DIDO1: variants seen among roughly 807,000 people sequenced by gnomAD.
DIDO1 encodes death-inducer obliterator 1.
A neutral mutation model predicts 99.4 loss-of-function variants in DIDO1; 16 were observed. That is an observed-to-expected ratio of 0.16 (90% confidence interval 0.11 to 0.24). DIDO1 has a LOEUF of 0.24. DIDO1 is among the 10% of genes least tolerant of loss of function. The probability of loss-of-function intolerance (pLI) is 1.00; values close to 1 mark genes in which losing one functional copy is unlikely to be tolerated. For synonymous variants in DIDO1, 1,366 were observed against 1,239.1 expected, an observed-to-expected ratio of 1.10 and a Z score of -2.15; for missense variants, 2,996 against 3,014.0, an observed-to-expected ratio of 0.99 and a Z score of 0.14.
intron 4 of DIDO1, 85 bp downstream of exon 4, chr20:62,909,614 G>A (rs936187664): frequency 1.4e-5 from 21 of 1,537,418 alleles, no homozygotes; most frequent in East Asian, 2.3e-5. Context: ...TGCAGCACCC[G>A]TCCTGGGAGG....
At position 62,896,816 on chromosome 20, in the gene DIDO1, A is replaced by C. The variant is rs770423473; in HGVS notation, c.1769T>G (p.Phe590Cys). 6.2e-7 allele frequency: 1 copy of C among 1,614,190 alleles called. No homozygotes were observed. Among genetic ancestry groups the C allele is most frequent in the East Asian group, 2.2e-5 (1 of 44,884 alleles). Residue 590 changes from phenylalanine to cysteine, a missense_variant, in exon 7 of 16, where the codon TTC (phenylalanine) becomes TGC (cysteine). Phe to Cys is a radical substitution (Grantham distance 205). Around this residue, in one of 5 missense-constraint regions of DIDO1, gnomAD observed 898 missense variants for 972.7 expected, o/e 0.92. Transcript: ENST00000395343. This position sits in a 1 kb window ranked among gnomAD's most constrained non-coding sequence, Gnocchi z 4.4. ...TGGCCTCTTGGGGATGGTGCCCTTG[A>C]AACCTGAGGGTGGCTTTTTAATGGC... ...TPAIKKPPSG[F>C]KGTIPKRPWL...
At chr20:62,897,650 T>C (rs934054261) in intron 6 of DIDO1, among the ~76,000 whole-genome samples, 4 of 152,188 alleles carry the variant, frequency 2.6e-5, no homozygotes, top group Non-Finnish European at 4.4e-5. Flanking sequence ...TGTAATTCCA[T>C]TAAGTGAAGT....
rs574972820 is a variant in DIDO1, at chr20:62,898,309, G to A, written c.1589-1313C>T. Among the ~76,000 whole-genome samples the A allele has an allele frequency of 5.9e-5, 9 of 152,314 alleles. No individual in the cohort carries two copies. In the East Asian group the frequency reaches 1.2e-3, roughly 20 times the overall value. ...TGCCAGGCTTGGCCACGTTGGCAGC[G>A]GGTGCCAGCCCTCCCCAGCAGCCAG... On this transcript the variant is annotated intron_variant, in intron 6 of 15. Coordinates refer to ENST00000395343, the MANE Select transcript of DIDO1 (RefSeq NM_001193369.2).
At chr20:62,936,607 T>A (rs1318640268) in intron 1 of DIDO1, among the ~76,000 whole-genome samples, 2 of 152,034 alleles carry the variant, frequency 1.3e-5, no homozygotes, top group African/African-American at 4.8e-5. Context: ...GGCTCACGCC[T>A]GTAATCCCAG....
intron 6 of DIDO1, chr20:62,905,657 G>A (rs2147471353): frequency 1.9e-6 from 3 of 1,582,790 alleles, no homozygotes; most frequent in Middle Eastern, 3.3e-4. Context: ...GTTCACCAGT[G>A]AGGTTTACAG....
At chr20:62,924,376 A>C (rs1024721308) in intron 1 of DIDO1, among the ~76,000 whole-genome samples, 5 of 152,248 alleles carry the variant, frequency 3.3e-5, no homozygotes, top group African/African-American at 1.2e-4. Context: ...TTCAAGAGCC[A>C]AATAAGCCAC....
At chr20:62,915,305 A>G (rs2065018815) in intron 1 of DIDO1, among the ~76,000 whole-genome samples, 1 of 152,198 alleles carries the variant, frequency 6.6e-6, no homozygotes, top group African/African-American at 2.4e-5. Flanking sequence ...CCCCGTCTCT[A>G]CAAAAAATAA....
At chr20:62,903,258 T>G (rs2064723839) in intron 6 of DIDO1, among the ~76,000 whole-genome samples, 1 of 152,128 alleles carries the variant, frequency 6.6e-6, no homozygotes, top group Non-Finnish European at 1.5e-5. Flanking sequence ...AATGGCAGAG[T>G]GTCTGTGCAC....
intron 6 of DIDO1, among the ~76,000 whole-genome samples, chr20:62,900,329 G>A (rs2064638821): frequency 6.6e-6 from 1 of 152,274 alleles, no homozygotes; most frequent in East Asian, 1.9e-4. Flanking sequence ...AATGAAGCAG[G>A]TCGTCGTCGT....
At chr20:62,922,871 G>C (rs1754423363) in intron 1 of DIDO1, among the ~76,000 whole-genome samples, 2 of 152,210 alleles carry the variant, frequency 1.3e-5, no homozygotes, top group South Asian at 4.1e-4. Context: ...GCTTCACGAT[G>C]ACCCAGGAGA....
In DIDO1 at chr20:62,881,650, C is replaced by T; in HGVS notation, c.4306G>A (p.Glu1436Lys). 6.2e-7 allele frequency: 1 copy of T among 1,612,786 alleles called. No individual in the cohort carries two copies. The highest frequency in any genetic ancestry group is 8.5e-7 in the Non-Finnish European group (1 of 1,180,028). ...YDPEDETILE[E>K]AKVTVDDLPN... is the part of the protein sequence containing the mutation. ...AGGTCATCAACAGTCACTTTCGCTT[C>T]TTCTAAGATGGTCTCATCCTCGGGG... The change falls in exon 16 of 16, where the codon GAA becomes AAA. Residue 1436 changes from glutamate (E) to lysine (K), a missense_variant. Transcript: ENST00000395343. The surrounding 1 kb of genome is among the most constrained non-coding windows in gnomAD (Gnocchi z 8.3).
Position 62,911,714 on chromosome 20 carries a change from G to T in DIDO1, c.-2-100C>A. On this transcript the variant is annotated intron_variant, in intron 2 of 15. Transcript: ENST00000395343. The surrounding 1 kb of genome is among the most constrained non-coding windows in gnomAD (Gnocchi z 7.0). ...AGCAGGGGCCACCTCCCTACAAACAGTGGAGCTCTACATAAAGCAAGTCCT... is the reference window on the plus strand; with the variant it reads ...AGCAGGGGCCACCTCCCTACAAACATTGGAGCTCTACATAAAGCAAGTCCT... The T allele has an allele frequency of 9.4e-7, 1 of 1,058,902 alleles. No homozygotes were observed. Among genetic ancestry groups the T allele is most frequent in the Non-Finnish European group, 1.3e-6 (1 of 749,524 alleles). The allele number at this position is 1,058,902 out of a possible 1,614,324, so 65.6% of individuals were successfully genotyped here.
chr20:62,889,966 C>G, intron 15 of DIDO1: 7 of 985,480 alleles, frequency 7.1e-6, no homozygotes, highest in Non-Finnish European at 8.4e-6. Flanking sequence ...GTGGGCTGTG[C>G]CTGGGGCGAC....
chr20:62,919,120 A>G (rs1048884532), intron 1 of DIDO1, among the ~76,000 whole-genome samples: 3 of 152,228 alleles, frequency 2.0e-5, no homozygotes, highest in Non-Finnish European at 4.4e-5. Context: ...TGGGCCCACA[A>G]GGAACTGAAG....
At chr20:62,923,654 C>T (rs534453348) in intron 1 of DIDO1, among the ~76,000 whole-genome samples, 1 of 152,166 alleles carries the variant, frequency 6.6e-6, no homozygotes, top group Non-Finnish European at 1.5e-5. Context: ...TTTCTAGTGT[C>T]TTTACTTTCT....
intron 1 of DIDO1, among the ~76,000 whole-genome samples, chr20:62,918,419 G>A (rs2147543250): frequency 6.6e-6 from 1 of 152,322 alleles, no homozygotes; most frequent in East Asian, 1.9e-4. Flanking sequence ...ACTGGCGTGA[G>A]CCACAGTGCC....
intron 15 of DIDO1, chr20:62,888,579 G>A: frequency 6.1e-6 from 6 of 985,574 alleles, no homozygotes; most frequent in Non-Finnish European, 7.2e-6. Context: ...GGCCTGTGCT[G>A]TCCAAGGGCT....
In DIDO1 at chr20:62,903,904, G is replaced by A. The variant is rs183222679; in HGVS notation, c.1588+1983C>T. On this transcript the variant is annotated intron_variant, in intron 6 of 15. Transcript: ENST00000395343. Reference sequence around the variant, plus strand: ...AGAGTACCCCGCTATGGGCAGAAGAGCAGCCTCCTGGTCGACCTCTCCCCG... The same window carrying A: ...AGAGTACCCCGCTATGGGCAGAAGAACAGCCTCCTGGTCGACCTCTCCCCG... 1.4e-3 allele frequency among the ~76,000 whole-genome samples: 212 copies of A among 152,274 alleles called. No homozygotes were observed. In the Middle Eastern group the frequency reaches 0.017, roughly 12 times the overall value.
upstream of DIDO1, among the ~76,000 whole-genome samples, chr20:62,930,218 C>CAAAAAAAAAAA (rs11477620): frequency 7.1e-6 from 1 of 140,502 alleles, no homozygotes; most frequent in Admixed American, 7.1e-5. Context: ...AACAAACAAA[C>CAAAAAAAAAAA]AAAAAAAAAA....
Sources: gnomAD v4.1 joint callset for allele counts (sites outside exome capture counted in the v4.1 genomes callset) on GRCh38, gnomAD v4.1.1 for gene constraint, gnomAD v4.1.1 regional missense constraint, Gnocchi (gnomAD v3.1) non-coding constraint, MANE v1.5 for transcripts, NCBI Gene and HGNC (gene_info 2026-07-23, HGNC 2026-07-21) for gene names.